Variants in GRID2 observed in about 807,000 individuals in gnomAD.
The protein encoded by GRID2 is glutamate ionotropic receptor delta type subunit 2.
GRID2 carries 33 observed loss-of-function variants against 114.8 expected under a neutral mutation model. That is an observed-to-expected ratio of 0.29 (90% CI 0.22 to 0.38). The LOEUF (loss-of-function observed/expected upper bound fraction) is 0.38, where lower values mean the gene tolerates loss of function less well. Ranked by LOEUF, GRID2 falls within the 10% of genes least tolerant of loss-of-function variation. The pLI is 1.00. For missense variants in GRID2, 1,184 were observed against 1,257.7 expected (o/e 0.94, Z 0.89); for synonymous variants, 505 against 449.9 (o/e 1.12, Z -1.55).
intron 2 of GRID2, among the ~76,000 whole-genome samples, chr4:92,877,756 G>T (rs1745739608): frequency 6.6e-6 from 1 of 152,124 alleles, no homozygotes; most frequent in Non-Finnish European, 1.5e-5. Context: ...CATGTTGATG[G>T]ATTTATGCCA....
intron 9 of GRID2, among the ~76,000 whole-genome samples, chr4:93,411,810 T>G (rs919486474): frequency 6.6e-6 from 1 of 152,088 alleles, no homozygotes; most frequent in Non-Finnish European, 1.5e-5. Flanking sequence ...CTGCCTCAAA[T>G]GTCTATTAAT....
intron 1 of GRID2, among the ~76,000 whole-genome samples, chr4:92,460,729 C>CT (rs1427217396): frequency 2.6e-5 from 4 of 152,154 alleles, no homozygotes; most frequent in Admixed American, 2.6e-4. Flanking sequence ...TTTTGAAAGT[C>CT]TAAACTCTTT....
At chr4:93,401,869 T>G (rs1765925538) in intron 9 of GRID2, among the ~76,000 whole-genome samples, 1 of 152,116 alleles carries the variant, frequency 6.6e-6, no homozygotes, top group Admixed American at 6.5e-5. Context: ...AGTTATCATT[T>G]TGAGTAATTT....
At chr4:93,576,475 A>G (rs1026725817) in intron 13 of GRID2, among the ~76,000 whole-genome samples, 17 of 152,220 alleles carry the variant, frequency 1.1e-4, no homozygotes, top group African/African-American at 4.1e-4. Flanking sequence ...AATAGTCAAT[A>G]TATTTATTTT....
At chr4:92,941,693 C>T (rs887453505) in intron 2 of GRID2, among the ~76,000 whole-genome samples, 1 of 152,162 alleles carries the variant, frequency 6.6e-6, no homozygotes, top group Non-Finnish European at 1.5e-5. Flanking sequence ...CCTGCTTTCT[C>T]TTGTGGGCAT....
intron 1 of GRID2, among the ~76,000 whole-genome samples, chr4:92,332,416 T>G (rs1185869056): frequency 1.3e-5 from 2 of 152,142 alleles, no homozygotes; most frequent in African/African-American, 2.4e-5. Context: ...CTCCCACCAC[T>G]ATTGCACTGG....
intron 2 of GRID2, among the ~76,000 whole-genome samples, chr4:93,059,520 G>A (rs1478823245): frequency 6.6e-6 from 1 of 151,966 alleles, no homozygotes. Context: ...GTCACCTGGG[G>A]GAGCAAAATT....
At chr4:92,956,130 T>C (rs1279391055) in intron 2 of GRID2, among the ~76,000 whole-genome samples, 1 of 152,182 alleles carries the variant, frequency 6.6e-6, no homozygotes, top group African/African-American at 2.4e-5. Flanking sequence ...TACAGAGATT[T>C]CCTATATACT....
intron 3 of GRID2, among the ~76,000 whole-genome samples, chr4:93,098,791 C>T (rs775099805): frequency 1.3e-5 from 2 of 151,796 alleles, no homozygotes; most frequent in Non-Finnish European, 2.9e-5. Context: ...GATTGGAGGG[C>T]TACTTCAATG....
chr4:93,670,639 G>C (rs1560884526), intron 14 of GRID2, among the ~76,000 whole-genome samples: 1 of 152,316 alleles, frequency 6.6e-6, no homozygotes, highest in African/African-American at 2.4e-5. Flanking sequence ...GTGCATCAGT[G>C]TCTGCCCCTA....
intron 13 of GRID2, among the ~76,000 whole-genome samples, chr4:93,613,802 G>A (rs1457883742): frequency 6.6e-6 from 1 of 151,822 alleles, no homozygotes; most frequent in Non-Finnish European, 1.5e-5. Flanking sequence ...GGAGCCTACA[G>A]AGGCAGGCAG....
At chr4:92,405,900 A>G (rs540181478) in intron 1 of GRID2, among the ~76,000 whole-genome samples, 1 of 152,238 alleles carries the variant, frequency 6.6e-6, no homozygotes, top group East Asian at 1.9e-4. Flanking sequence ...TAAGTATTAA[A>G]TTACACAATC....
At chr4:93,178,279 C>A (rs1211825543) in intron 4 of GRID2, among the ~76,000 whole-genome samples, 1 of 151,770 alleles carries the variant, frequency 6.6e-6, no homozygotes, top group Non-Finnish European at 1.5e-5. Flanking sequence ...GTCACGTTCA[C>A]CAGATACTTA....
intron 4 of GRID2, among the ~76,000 whole-genome samples, chr4:93,170,528 G>C (rs1348317838): frequency 1.3e-5 from 2 of 152,146 alleles, no homozygotes; most frequent in Non-Finnish European, 2.9e-5. Context: ...GATATAGATA[G>C]GTTTCTCTAC....
intron 12 of GRID2, among the ~76,000 whole-genome samples, chr4:93,493,112 T>C (rs925805531): frequency 6.6e-6 from 1 of 151,924 alleles, no homozygotes; most frequent in African/African-American, 2.4e-5. Flanking sequence ...TTGAGTATTT[T>C]ATTTCATTAA....
chr4:93,434,293 G>A (rs1580073527), intron 10 of GRID2, among the ~76,000 whole-genome samples: 1 of 152,134 alleles, frequency 6.6e-6, no homozygotes. Context: ...AAAGACCAAA[G>A]CCGAGAATAA....
At chr4:93,573,502 C>T (rs879831036) in intron 13 of GRID2, among the ~76,000 whole-genome samples, 10 of 152,142 alleles carry the variant, frequency 6.6e-5, no homozygotes, top group Non-Finnish European at 8.8e-5. Flanking sequence ...GAGATTGCTA[C>T]TGGATAGCTG....
intron 2 of GRID2, among the ~76,000 whole-genome samples, chr4:92,762,650 G>T (rs904443822): frequency 2.0e-5 from 3 of 152,126 alleles, no homozygotes; most frequent in African/African-American, 7.2e-5. Context: ...TCAAAAAGTT[G>T]TATGCAGAGT....
intron 4 of GRID2, among the ~76,000 whole-genome samples, chr4:93,150,878 G>T (rs1373467428): frequency 6.6e-6 from 1 of 151,968 alleles, no homozygotes; most frequent in African/African-American, 2.4e-5. Flanking sequence ...TGTAATCCCA[G>T]CACTTTAGGA....
Sources: gnomAD v4.1 joint callset for allele counts (sites outside exome capture counted in the v4.1 genomes callset) on GRCh38, gnomAD v4.1.1 for gene constraint, MANE v1.5 for transcripts, NCBI Gene and HGNC (gene_info 2026-07-23, HGNC 2026-07-21) for gene names.